The following MUCL3 variants were observed in gnomAD, a reference collection of about 807,000 sequenced individuals.
MUCL3 encodes mucin like 3, also known as mucin-like protein 3.
MUCL3 carries 42 observed loss-of-function variants against 70.2 expected under a neutral mutation model. That is an observed-to-expected ratio of 0.60 (90% CI 0.47 to 0.77). The LOEUF is 0.77. Ranked by LOEUF, MUCL3 falls within the 30% of genes least tolerant of loss-of-function variation. The pLI is 0.00. For missense variants in MUCL3, 1,429 were observed against 1,670.0 expected, an observed-to-expected ratio of 0.86 and a Z score of 2.52; for synonymous variants, 522 against 647.0, an observed-to-expected ratio of 0.81 and a Z score of 2.93.
chr6:30,947,615 G>A (rs1049673082), intron 1 of MUCL3, among the ~76,000 whole-genome samples: 20 of 150,378 alleles, frequency 1.3e-4, no homozygotes, highest in African/African-American at 4.4e-4. Context: ...CCACTGATAG[G>A]GGTGTTTTCT....
intron 1 of MUCL3, among the ~76,000 whole-genome samples, chr6:30,943,021 ATG>A (rs1795642355): frequency 3.3e-5 from 5 of 152,074 alleles, no homozygotes; most frequent in Non-Finnish European, 5.9e-5. Flanking sequence ...TCGGGTTGTG[ATG>A]AGGTCGGGTG....
Position 30,950,312 on chromosome 6 carries a change from A to T in MUCL3, c.1848A>T (p.Thr616=). The change falls in exon 2 of 3, where the codon ACA becomes ACT. Residue 616 remains threonine, a synonymous_variant. Coordinates refer to ENST00000462446, the MANE Select transcript of MUCL3 (RefSeq NM_080870.4). The part of the protein sequence containing the change: ...ERTPLANENT[T]PSPAEPTENR... ...CTCCACTGGCCAATGAGAACACCAC[A>T]CCATCCCCGGCAGAGCCTACAGAAA... 6.5e-7 allele frequency: 1 copy of T among 1,548,454 alleles called. No individual in the cohort carries two copies. Among genetic ancestry groups the T allele is most frequent in the South Asian group, 1.2e-5 (1 of 83,876 alleles).
chr6:30,942,867 G>A (rs1795635826), intron 1 of MUCL3, among the ~76,000 whole-genome samples: 1 of 152,166 alleles, frequency 6.6e-6, no homozygotes, highest in African/African-American at 2.4e-5. Flanking sequence ...GGGCCATGTG[G>A]GCGTGGTCTC....
intron 1 of MUCL3, among the ~76,000 whole-genome samples, chr6:30,941,457 CTTTTTTTT>C (rs9278811): frequency 1.9e-5 from 2 of 105,258 alleles, no homozygotes; most frequent in East Asian, 4.9e-4. Flanking sequence ...TCTTCTTCTT[CTTTTTTTT>C]TTTTTTTTTT....
rs759486867 is a variant in MUCL3 at position 30,951,889 on chromosome 6, C to T, written c.3425C>T (p.Pro1142Leu). ...TCAGCCAATGTGATCACACCAGCCC[C>T]AGCAGAGCCTATAAAACATGCAAAA... ...ATSANVITPAPAEPIKHAKRT... is the reference protein window; with the variant it reads ...ATSANVITPALAEPIKHAKRT... The change falls in exon 2 of 3, where the codon CCA becomes CTA. Residue 1142 changes from proline (P) to leucine (L), a missense_variant. Physicochemically the swap from Pro to Leu is moderately conservative, Grantham distance 98 (BLOSUM62 -3). Coordinates refer to ENST00000462446, the MANE Select transcript of MUCL3 (RefSeq NM_080870.4). The T allele has an allele frequency of 1.2e-6, 2 of 1,613,450 alleles. No homozygotes were observed. The highest frequency in any genetic ancestry group is 1.7e-6 in the Non-Finnish European group (2 of 1,179,706).
intron 1 of MUCL3, chr6:30,945,967 AC>A (rs1795761737): frequency 6.6e-6 from 1 of 152,274 alleles, no homozygotes; most frequent in Admixed American, 6.5e-5. Flanking sequence ...AAACAAACAA[AC>A]AAAAAAAGCC....
At chr6:30,941,627 T>C (rs1403414687) in intron 1 of MUCL3, among the ~76,000 whole-genome samples, 5 of 151,830 alleles carry the variant, frequency 3.3e-5, no homozygotes, top group African/African-American at 1.2e-4. Context: ...GCCTGGCTCA[T>C]TTTTTTGTAT....
Position 30,949,485 on chromosome 6 carries a change from G to A in MUCL3, c.1021G>A (p.Gly341Arg), listed in dbSNP as rs943560536. 1.2e-5 allele frequency: 19 copies of A among 1,549,116 alleles called. No homozygotes were observed. Among genetic ancestry groups the A allele is most frequent in the Non-Finnish European group, 1.5e-5 (17 of 1,146,230 alleles). The change falls in exon 2 of 3, where the codon GGG becomes AGG. Residue 341 changes from glycine to arginine, a missense_variant. Transcript: ENST00000462446. ...ANENTAPFPA[G>R]PTENREMTAN... Reference sequence around the variant, plus strand: ...TGAGAACACCGCACCATTCCCAGCAGGGCCTACAGAAAATAGAGAAATGAC... The same window carrying A: ...TGAGAACACCGCACCATTCCCAGCAAGGCCTACAGAAAATAGAGAAATGAC...
chr6:30,949,287 G>A lies in MUCL3; in HGVS notation c.823G>A (p.Ala275Thr), dbSNP rs758482934. Reference protein sequence around the residue: ...TTKNIQETISANELTQSLAEP... With the variant: ...TTKNIQETISTNELTQSLAEP... ...AAAAAACATACAAGAGACCATATCA[G>A]CCAATGAGCTCACACAATCTCTAGC... The change falls in exon 2 of 3, where the codon GCC becomes ACC. Residue 275 changes from alanine (A) to threonine (T), a missense_variant. Ala to Thr is a moderately conservative substitution (Grantham distance 58). Coordinates refer to ENST00000462446, the MANE Select transcript of MUCL3 (RefSeq NM_080870.4). The A allele has an allele frequency of 1.6e-5, 25 of 1,551,496 alleles. No homozygotes were observed. The highest frequency in any genetic ancestry group is 2.1e-5 in the Non-Finnish European group (24 of 1,146,994).
In MUCL3 at chr6:30,950,504, A is replaced by C; in HGVS notation, c.2040A>C (p.Thr680=). 1 of 1,550,960 alleles carries C rather than the reference A, an allele frequency of 6.4e-7. No homozygotes were observed. The highest frequency in any genetic ancestry group is 8.7e-7 in the Non-Finnish European group (1 of 1,146,840). ...EKTTSSPAEP[T]ENGQRTPFAN... is the part of the protein sequence containing the mutation. Reference sequence around the variant, plus strand: ...CCACATCATCCCCAGCAGAGCCTACAGAAAATGGACAAAGGACCCCATTTG... The same window carrying C: ...CCACATCATCCCCAGCAGAGCCTACCGAAAATGGACAAAGGACCCCATTTG... Residue 680 remains threonine, a synonymous_variant, in exon 2 of 3, where the codon ACA becomes ACC. Transcript: ENST00000462446.
chr6:30,951,816 A>G lies in MUCL3; in HGVS notation c.3352A>G (p.Ile1118Val), dbSNP rs1416536121. ...AAGGACCACATCACCCAATGACAAG[A>G]TCACCTCATCTGCAGCAGAGTCTAC... The part of the protein sequence containing the change: ...GERTTSPNDK[I>V]TSSAAESTEH... Residue 1118 changes from isoleucine to valine, a missense_variant, in exon 2 of 3, where the codon ATC becomes GTC. Ile to Val is a conservative substitution (Grantham distance 29). Coordinates refer to ENST00000462446, the MANE Select transcript of MUCL3 (RefSeq NM_080870.4). The G allele has an allele frequency of 7.0e-6, 11 of 1,574,052 alleles. No individual in the cohort carries two copies. Among genetic ancestry groups the G allele is most frequent in the Non-Finnish European group, 9.5e-6 (11 of 1,160,996 alleles).
chr6:30,953,200 C>A lies in MUCL3; in HGVS notation c.*83C>A. 1.3e-6 allele frequency: 2 copies of A among 1,549,500 alleles called. No homozygotes were observed. Among genetic ancestry groups the A allele is most frequent in the South Asian group, 2.5e-5 (2 of 80,708 alleles). On this transcript the variant is annotated 3_prime_UTR_variant, in exon 3 of 3. Transcript: ENST00000462446. ...GAACCGGACTCACAATTTCTATTTC[C>A]GGGACTACAGGAAGGGCAGAGAATA...
Position 30,953,102 on chromosome 6 carries a change from C to G in MUCL3, c.4167C>G (p.Ile1389Met), listed in dbSNP as rs757107198. ...MEQQNLGMGQIPSPR is the reference protein window; with the variant it reads ...MEQQNLGMGQMPSPR ...AGCAGAATCTTGGCATGGGCCAGAT[C>G]CCTTCCCCACGGTGATCTTGGAGTA... Residue 1389 changes from isoleucine (I) to methionine (M), a missense_variant, in exon 3 of 3, where the codon ATC (isoleucine) becomes ATG (methionine). Ile to Met is a conservative substitution (Grantham distance 10, BLOSUM62 1). Transcript: ENST00000462446. The G allele has an allele frequency of 8.7e-6, 14 of 1,614,054 alleles. No homozygotes were observed. In the African/African-American group the frequency reaches 1.3e-4, roughly 15 times the overall value.
rs1475434601 is a variant in MUCL3 at position 30,949,960 on chromosome 6, C to A, written c.1496C>A (p.Thr499Lys). 1 of 1,550,788 alleles carries A rather than the reference C, an allele frequency of 6.4e-7. No individual in the cohort carries two copies. Among genetic ancestry groups the A allele is most frequent in the Admixed American group, 2.0e-5 (1 of 50,878 alleles). Reference protein sequence around the residue: ...EKTTPSPAEPTENGQRTPFAN... With the variant: ...EKTTPSPAEPKENGQRTPFAN... ...ACCACACCATCCCCAGCAGAGCCTA[C>A]AGAAAATGGACAAAGGACCCCATTT... The change falls in exon 2 of 3, where the codon ACA (threonine) becomes AAA (lysine). Residue 499 changes from threonine to lysine, a missense_variant. Physicochemically the swap from Thr to Lys is moderately conservative, Grantham distance 78. Coordinates refer to ENST00000462446, the MANE Select transcript of MUCL3 (RefSeq NM_080870.4).
intron 1 of MUCL3, among the ~76,000 whole-genome samples, chr6:30,942,778 G>A (rs116963975): frequency 1.3e-5 from 2 of 152,306 alleles, no homozygotes; most frequent in East Asian, 1.9e-4. Context: ...CCTGCAGGGG[G>A]CGGAAGGGAA....
In MUCL3 at chr6:30,953,338, G is replaced by C; in HGVS notation, c.*221G>C. Reference sequence around the variant, plus strand: ...ACAAAGAAGAAAGAATGAATAATACGAGCAGACATTCTCTGTAGAAGGTAA... The same window carrying C: ...ACAAAGAAGAAAGAATGAATAATACCAGCAGACATTCTCTGTAGAAGGTAA... On this transcript the variant is annotated 3_prime_UTR_variant, in exon 3 of 3. Coordinates refer to ENST00000462446, the MANE Select transcript of MUCL3 (RefSeq NM_080870.4). 1.6e-6 allele frequency: 1 copy of C among 635,652 alleles called. No individual in the cohort carries two copies. The highest frequency in any genetic ancestry group is 2.7e-6 in the Non-Finnish European group (1 of 373,640). 39.4% of individuals were successfully genotyped at this position (635,652 alleles called of 1,614,324 possible). A position where few individuals can be genotyped will look rare whatever the true frequency, so the allele number is the denominator to read the frequency against.
rs1384159696 is a variant in MUCL3 at position 30,950,677 on chromosome 6, C to A, written c.2213C>A (p.Ala738Glu). 3 of 1,550,942 alleles carry A rather than the reference C, an allele frequency of 1.9e-6. No individual in the cohort carries two copies. Among genetic ancestry groups the A allele is most frequent in the East Asian group, 4.9e-5 (2 of 40,894 alleles). Reference protein sequence around the residue: ...TANEKTTPFPAEPTENRERTA... With the variant: ...TANEKTTPFPEEPTENRERTA... ...AATGAGAAGACCACACCATTCCCAGCAGAGCCTACAGAAAATAGAGAAAGG... is the reference window on the plus strand; with the variant it reads ...AATGAGAAGACCACACCATTCCCAGAAGAGCCTACAGAAAATAGAGAAAGG... The change falls in exon 2 of 3, where the codon GCA becomes GAA. Residue 738 changes from alanine to glutamate, a missense_variant. Ala to Glu is a moderately radical substitution (Grantham distance 107). Coordinates refer to ENST00000462446, the MANE Select transcript of MUCL3 (RefSeq NM_080870.4).
intron 2 of MUCL3, 88 bp downstream of exon 2, chr6:30,952,587 G>A: frequency 7.1e-7 from 1 of 1,405,094 alleles, no homozygotes. Flanking sequence ...GGAATAATGA[G>A]TCTAGGAAAA....
rs1238461176 is a variant in MUCL3 at position 30,949,979 on chromosome 6, C to G, written c.1515C>G (p.Thr505=). The G allele has an allele frequency of 2.0e-6, 3 of 1,532,776 alleles. No homozygotes were observed. In the Admixed American group the frequency reaches 6.1e-5, roughly 31 times the overall value. 94.9% of individuals were successfully genotyped at this position (1,532,776 alleles called of 1,614,324 possible). Residue 505 remains threonine, a synonymous_variant, in exon 2 of 3, where the codon ACC becomes ACG. Coordinates refer to ENST00000462446, the MANE Select transcript of MUCL3 (RefSeq NM_080870.4). ...AGCCTACAGAAAATGGACAAAGGAC[C>G]CCATTTGCCAATGAGAAAACCACAT... ...PAEPTENGQR[T]PFANEKTTSS... is the part of the protein sequence containing the mutation.
Sources: allele counts gnomAD v4.1 joint callset (sites outside exome capture counted in the v4.1 genomes callset), GRCh38; gene constraint gnomAD v4.1.1; transcripts MANE v1.5; gene names NCBI Gene and HGNC (gene_info 2026-07-23, HGNC 2026-07-21).